LNX2: variants seen among roughly 807,000 people sequenced by gnomAD.
The protein encoded by LNX2 is ligand of numb-protein X 2, also known as ligand of Numb protein X 2.
In LNX2, 35 loss-of-function variants were observed where a neutral mutation model predicts 66.2. The observed-to-expected ratio is 0.53, with a 90% CI of 0.40 to 0.70. The LOEUF (loss-of-function observed/expected upper bound fraction) is 0.70. LNX2 is among the 30% of genes least tolerant of loss of function. LNX2 has a pLI of 0.00. For missense variants in LNX2, 791 were observed against 850.8 expected (o/e 0.93, Z 0.87); for synonymous variants, 337 against 315.6 (o/e 1.07, Z -0.72).
intron 6 of LNX2, 132 bp from the exon 7 acceptor site, chr13:27,556,545 G>A: frequency 1.3e-6 from 1 of 771,818 alleles, no homozygotes; most frequent in East Asian, 2.7e-5. Flanking sequence ...AATTGCAAAT[G>A]AAAGTAATAC....
chr13:27,599,315 A>G (rs1402808390), intron 1 of LNX2, among the ~76,000 whole-genome samples: 1 of 152,202 alleles, frequency 6.6e-6, no homozygotes, highest in Non-Finnish European at 1.5e-5. Context: ...GGGCTTTAAC[A>G]TACAGATACC....
At chr13:27,602,816 A>T (rs1190174289) in intron 1 of LNX2, among the ~76,000 whole-genome samples, 1 of 152,180 alleles carries the variant, frequency 6.6e-6, no homozygotes, top group African/African-American at 2.4e-5. Context: ...TGGTTGCTCC[A>T]TATTCTTTGT....
Position 27,559,823 on chromosome 13 carries a change from A to T in LNX2, c.1368+19T>A. On this transcript the variant is annotated intron_variant, in intron 6 of 9. Transcript: ENST00000316334. ...AATGATCCTTTGATGGTGGCATAAA[A>T]AAAAAAAAAAATCCTCACCTTATGT... 1 of 1,478,674 alleles carries T rather than the reference A, an allele frequency of 6.8e-7. No homozygotes were observed. Among genetic ancestry groups the T allele is most frequent in the Admixed American group, 2.2e-5 (1 of 45,208 alleles). 91.6% of individuals were successfully genotyped at this position (1,478,674 alleles called of 1,614,324 possible).
intron 2 of LNX2, 67 bp from the exon 3 acceptor site, chr13:27,569,343 G>C: frequency 6.5e-7 from 1 of 1,534,960 alleles, no homozygotes; most frequent in African/African-American, 1.4e-5. Context: ...AAATAGGGAG[G>C]GGGACTAATA....
chr13:27,554,697 G>A (rs1005195236), intron 7 of LNX2, among the ~76,000 whole-genome samples: 2 of 152,084 alleles, frequency 1.3e-5, no homozygotes, highest in Admixed American at 6.5e-5. Context: ...TATGAACACT[G>A]GTATACAAGT....
chr13:27,560,120 T>C, intron 5 of LNX2, 135 bp from the exon 6 acceptor site: 1 of 614,330 alleles, frequency 1.6e-6, no homozygotes, highest in Non-Finnish European at 2.5e-6. Context: ...TGCAAGCACC[T>C]GGTGGCAAGA....
At chr13:27,550,265 G>T in intron 9 of LNX2, 68 bp downstream of exon 9, 1 of 1,413,740 alleles carries the variant, frequency 7.1e-7, no homozygotes, top group South Asian at 1.3e-5. Context: ...GCTGACCCCT[G>T]ACCCCTGGTC....
In LNX2 at chr13:27,611,993, A is replaced by T. The variant is rs548083567; in HGVS notation, c.-101+8382T>A. ...AGAAAAGAAGGGAGTTAATTGATAA[A>T]GCCGCTCCTGAAGGAGACTTGAAGA... is the stretch of plus-strand genomic sequence containing the variant. On this transcript the variant is annotated intron_variant, in intron 1 of 9. Transcript: ENST00000316334. 5.8e-4 allele frequency among the ~76,000 whole-genome samples: 88 copies of T among 152,250 alleles called. 1 individual carries two copies. Among genetic ancestry groups the T allele is most frequent in the Admixed American group, 2.7e-3 (41 of 15,280 alleles).
chr13:27,589,102 A>G (rs534814709), intron 1 of LNX2, among the ~76,000 whole-genome samples: 2 of 152,248 alleles, frequency 1.3e-5, no homozygotes, highest in Non-Finnish European at 2.9e-5. Flanking sequence ...TTCTTTCACA[A>G]GAAGTACCGG....
At chr13:27,566,523 A>G (rs1015001796) in intron 4 of LNX2, among the ~76,000 whole-genome samples, 2 of 152,204 alleles carry the variant, frequency 1.3e-5, no homozygotes, top group Non-Finnish European at 2.9e-5. Context: ...TATTAGATTA[A>G]TCAGTCTGGA....
At chr13:27,585,353 C>T (rs943387280) in intron 1 of LNX2, among the ~76,000 whole-genome samples, 8 of 151,484 alleles carry the variant, frequency 5.3e-5, no homozygotes, top group Non-Finnish European at 8.8e-5. Context: ...ACCTGGGAGG[C>T]GGAGCTTGCA....
At chr13:27,601,406 A>G (rs528557799) in intron 1 of LNX2, among the ~76,000 whole-genome samples, 4 of 152,360 alleles carry the variant, frequency 2.6e-5, no homozygotes, top group Admixed American at 6.5e-5. Context: ...CACATGATTT[A>G]TAACACCCTA....
chr13:27,587,359 T>C (rs756127747), intron 1 of LNX2, among the ~76,000 whole-genome samples: 5 of 152,192 alleles, frequency 3.3e-5, no homozygotes, highest in Non-Finnish European at 7.3e-5. Flanking sequence ...AGTGCATGTT[T>C]GCTCATCTGC....
At position 27,567,493 on chromosome 13, in the gene LNX2, T is replaced by C. The variant is rs189672752; in HGVS notation, c.855+147A>G. 117 of 668,178 alleles carry C rather than the reference T, an allele frequency of 1.8e-4. 1 individual carries two copies. In the Admixed American group the frequency reaches 2.3e-3, roughly 13 times the overall value. The allele number at this position is 668,178 out of a possible 1,614,324, so 41.4% of individuals were successfully genotyped here. A position where few individuals can be genotyped will look rare whatever the true frequency, so the allele number is the denominator to read the frequency against. ...GTGTATATGGGAAAATACCACAAATTACACATAAATTCTGATGTTTTGCAT... is the reference window on the plus strand; with the variant it reads ...GTGTATATGGGAAAATACCACAAATCACACATAAATTCTGATGTTTTGCAT... On this transcript the variant is annotated intron_variant, in intron 4 of 9. Transcript: ENST00000316334.
chr13:27,564,669 C>T (rs977072213), intron 4 of LNX2, among the ~76,000 whole-genome samples: 1 of 152,072 alleles, frequency 6.6e-6, no homozygotes, highest in African/African-American at 2.4e-5. Context: ...GGGAAAACCA[C>T]CAAAGCCACA....
chr13:27,589,169 T>C (rs993155838), intron 1 of LNX2, among the ~76,000 whole-genome samples: 4 of 152,226 alleles, frequency 2.6e-5, no homozygotes, highest in African/African-American at 9.6e-5. Flanking sequence ...AAATGCTTGA[T>C]TGAGCCTTGC....
At chr13:27,590,280 G>T (rs1374651882) in intron 1 of LNX2, among the ~76,000 whole-genome samples, 1 of 152,006 alleles carries the variant, frequency 6.6e-6, no homozygotes, top group Non-Finnish European at 1.5e-5. Context: ...TGTTGCCCAG[G>T]CTGGAATGCA....
At position 27,570,870 on chromosome 13, in the gene LNX2, G is replaced by C. The variant is rs944936585; in HGVS notation, c.408-1594C>G. ...AATACAGACAGATTATGTACACCTG[G>C]GAATCAGTCTAGCTAACAACTCTAC... is the stretch of plus-strand genomic sequence containing the variant. On this transcript the variant is annotated intron_variant, in intron 2 of 9. Coordinates refer to ENST00000316334, the MANE Select transcript of LNX2 (RefSeq NM_153371.4). 3.9e-5 allele frequency among the ~76,000 whole-genome samples: 6 copies of C among 152,158 alleles called. No individual in the cohort carries two copies. In the East Asian group the frequency reaches 9.7e-4, roughly 25 times the overall value.
chr13:27,580,800 T>C (rs1955389075), intron 2 of LNX2, among the ~76,000 whole-genome samples: 1 of 152,196 alleles, frequency 6.6e-6, no homozygotes, highest in Non-Finnish European at 1.5e-5. Context: ...TCCCACTGAG[T>C]TTATGTGCAT....
Sources: allele counts gnomAD v4.1 joint callset (sites outside exome capture counted in the v4.1 genomes callset), GRCh38; gene constraint gnomAD v4.1.1; transcripts MANE v1.5; gene names NCBI Gene and HGNC (gene_info 2026-07-23, HGNC 2026-07-21).